Variants in ETNPPL observed in about 807,000 individuals in gnomAD.
ETNPPL encodes the protein alanine--glyoxylate aminotransferase 2-like 1.
A neutral mutation model predicts 55.5 loss-of-function variants in ETNPPL; 30 were observed. That is an observed-to-expected ratio of 0.54 (90% CI 0.40 to 0.73). The LOEUF (loss-of-function observed/expected upper bound fraction) is 0.73, where lower values mean the gene tolerates loss of function less well. Ranked by LOEUF, ETNPPL falls within the 30% of genes least tolerant of loss-of-function variation. The probability of loss-of-function intolerance (pLI) is 0.00; values close to 1 mark genes in which losing one functional copy is unlikely to be tolerated. For missense variants in ETNPPL, 528 were observed against 607.9 expected (o/e 0.87, Z 1.38); for synonymous variants, 202 against 207.2 (o/e 0.98, Z 0.21).
chr4:108,744,676 C>T (rs930851982), intron 11 of ETNPPL, among the ~76,000 whole-genome samples: 1 of 151,710 alleles, frequency 6.6e-6, no homozygotes, highest in Non-Finnish European at 1.5e-5. Context: ...TGGCTTTATC[C>T]TAACCCCAGA....
At chr4:108,743,764 TA>T in intron 12 of ETNPPL, 24 bp downstream of exon 12, 1 of 1,548,986 alleles carries the variant, frequency 6.5e-7, no homozygotes, top group Non-Finnish European at 8.9e-7. Flanking sequence ...ACTTTCCCCC[TA>T]AAAATAAAGT....
At chr4:108,746,252 T>C (rs556245486) in intron 11 of ETNPPL, 147 bp downstream of exon 11, 2 of 649,726 alleles carry the variant, frequency 3.1e-6, no homozygotes, top group East Asian at 6.5e-5. Context: ...TTTCTAGTCC[T>C]AAATGGAAAG....
At chr4:108,762,761 C>A (rs374591284) in intron 1 of ETNPPL, 82 bp downstream of exon 1, 2 of 1,502,454 alleles carry the variant, frequency 1.3e-6, no homozygotes, top group Non-Finnish European at 1.9e-6. Flanking sequence ...ATCGTTTGTT[C>A]CCTAGCCGGC....
chr4:108,756,950 T>C (rs1729236226), intron 3 of ETNPPL, among the ~76,000 whole-genome samples: 1 of 152,234 alleles, frequency 6.6e-6, no homozygotes, highest in South Asian at 2.1e-4. Context: ...CTGCCCACTT[T>C]ACCCTTCTAA....
chr4:108,747,839 A>G (rs1346695343), intron 9 of ETNPPL, 166 bp downstream of exon 9: 2 of 543,696 alleles, frequency 3.7e-6, no homozygotes, highest in East Asian at 3.4e-5. Context: ...AGTGATTCTC[A>G]TGCCTCAGCC....
chr4:108,761,779 T>G lies in ETNPPL; in HGVS notation c.56+1064A>C, dbSNP rs977515428. ...GATTATTTTGATCCCACTTAGCGGC[T>G]GAGAGAGATGGAACTAGTCTTCCAA... On this transcript the variant is annotated intron_variant, in intron 1 of 12. Coordinates refer to ENST00000296486, the MANE Select transcript of ETNPPL (RefSeq NM_031279.4). Among the ~76,000 whole-genome samples the G allele has an allele frequency of 2.6e-5, 4 of 152,212 alleles. No individual in the cohort carries two copies. The East Asian group carries it at 7.7e-4, about 29-fold the overall frequency.
rs1729409801 is a variant in ETNPPL, at chr4:108,759,668, T to C, written c.335+81A>G. 6 of 1,432,604 alleles carry C rather than the reference T, an allele frequency of 4.2e-6. No homozygotes were observed. The South Asian group carries it at 7.4e-5, about 18-fold the overall frequency. 88.7% of individuals were successfully genotyped at this position (1,432,604 alleles called of 1,614,324 possible). A position where few individuals can be genotyped will look rare whatever the true frequency, so the allele number is the denominator to read the frequency against. ...AAACCCTTTTGGACAAGCTCCACCATGAATCAAAAGGAAAGATTTGTGTGC... is the reference window on the plus strand; with the variant it reads ...AAACCCTTTTGGACAAGCTCCACCACGAATCAAAAGGAAAGATTTGTGTGC... On this transcript the variant is annotated intron_variant, in intron 3 of 12. Coordinates refer to ENST00000296486, the MANE Select transcript of ETNPPL (RefSeq NM_031279.4).
rs1425415749 is a variant in ETNPPL at position 108,742,432 on chromosome 4, A to G, written c.*52T>C. The G allele has an allele frequency of 1.1e-5, 17 of 1,597,032 alleles. No homozygotes were observed. The highest frequency in any genetic ancestry group is 1.5e-5 in the Non-Finnish European group (17 of 1,165,996). On this transcript the variant is annotated 3_prime_UTR_variant, in exon 13 of 13. Transcript: ENST00000296486. ...AGCTATTAACCGATGAGACACATCT[A>G]CTCATTCTCTGTAACTCTGGACATC...
At chr4:108,748,188 A>C (rs1728717308) in intron 8 of ETNPPL, 29 bp from the exon 9 acceptor site, 2 of 1,539,476 alleles carry the variant, frequency 1.3e-6, no homozygotes, top group South Asian at 2.5e-5. Context: ...CAAATGAGAA[A>C]ATATACCAGT....
At position 108,759,910 on chromosome 4, in the gene ETNPPL, T is replaced by TA. The variant is rs756755530; in HGVS notation, c.176-3dup. 6.2e-7 allele frequency: 1 copy of TA among 1,612,406 alleles called. No homozygotes were observed. Among genetic ancestry groups the TA allele is most frequent in the South Asian group, 1.1e-5 (1 of 90,760 alleles). On this transcript the variant is annotated splice_polypyrimidine_tract_variant and splice_region_variant and intron_variant, in intron 2 of 12. Coordinates refer to ENST00000296486, the MANE Select transcript of ETNPPL (RefSeq NM_031279.4). ...CCACTCCTGGGTGACAGTGTCCCAC[T>TA]AAAATTTATGAAACAAAAGCCCAAG...
rs756598793 is a variant in ETNPPL, at chr4:108,756,506, A to G, written c.336-14T>C. On this transcript the variant is annotated splice_polypyrimidine_tract_variant and intron_variant, in intron 3 of 12. Coordinates refer to ENST00000296486, the MANE Select transcript of ETNPPL (RefSeq NM_031279.4). ...TTGGCTTCGGATCTATTAAGATAACATAGAGAGAGAGGACACTGTGACAGT... is the reference window on the plus strand; with the variant it reads ...TTGGCTTCGGATCTATTAAGATAACGTAGAGAGAGAGGACACTGTGACAGT... 6.2e-7 allele frequency: 1 copy of G among 1,601,842 alleles called. No individual in the cohort carries two copies. The highest frequency in any genetic ancestry group is 1.7e-5 in the Admixed American group (1 of 60,006).
chr4:108,758,692 C>T (rs1013878625), intron 3 of ETNPPL, among the ~76,000 whole-genome samples: 1 of 152,220 alleles, frequency 6.6e-6, no homozygotes, highest in African/African-American at 2.4e-5. Flanking sequence ...CCCCAGGGTC[C>T]CCACGCTGAC....
At chr4:108,745,660 G>A (rs1158001939) in intron 11 of ETNPPL, among the ~76,000 whole-genome samples, 3 of 152,012 alleles carry the variant, frequency 2.0e-5, no homozygotes, top group Admixed American at 6.6e-5. Context: ...GCTGGACGCG[G>A]TGACTTACGT....
intron 1 of ETNPPL, 59 bp downstream of exon 1, chr4:108,762,784 C>T (rs753584081): frequency 6.3e-7 from 1 of 1,577,704 alleles, no homozygotes; most frequent in South Asian, 1.1e-5. Flanking sequence ...TCTCTCTCCA[C>T]CTTCTGCACT....
chr4:108,748,224 T>G, intron 8 of ETNPPL, 65 bp from the exon 9 acceptor site: 1 of 1,305,404 alleles, frequency 7.7e-7, no homozygotes, highest in Non-Finnish European at 1.0e-6. Context: ...CCCTCATCCA[T>G]GAGAAATTTG....
rs1728979842 is a variant in ETNPPL, at chr4:108,752,911, T to C, written c.602A>G (p.His201Arg). The C allele has an allele frequency of 6.3e-7, 1 of 1,596,830 alleles. No homozygotes were observed. Among genetic ancestry groups the C allele is most frequent in the African/African-American group, 1.3e-5 (1 of 74,596 alleles). The change falls in exon 6 of 13, where the codon CAT becomes CGT. Residue 201 changes from histidine to arginine, a missense_variant. Transcript: ENST00000296486. ...AATACAAACCTTCCTTCCACTGTTA[T>C]GAGCATCTTCAATGATTTTCTTCAC... is the stretch of plus-strand genomic sequence containing the variant. ...DEVKKIIEDAHNSGRKIAAFI... is the reference protein window; with the variant it reads ...DEVKKIIEDARNSGRKIAAFI...
At chr4:108,745,940 A>AAG (rs2125670702) in intron 11 of ETNPPL, among the ~76,000 whole-genome samples, 1 of 151,998 alleles carries the variant, frequency 6.6e-6, no homozygotes, top group South Asian at 2.1e-4. Flanking sequence ...CAAAAAAAAA[A>AAG]AAAAAAAAAA....
chr4:108,753,636 G>A (rs1560656028), intron 5 of ETNPPL, among the ~76,000 whole-genome samples: 1 of 152,158 alleles, frequency 6.6e-6, no homozygotes, highest in East Asian at 1.9e-4. Context: ...CAGCTGCTCG[G>A]GAGGCTGAGG....
chr4:108,748,172 A>AG lies in ETNPPL; in HGVS notation c.928-14_928-13insC. The AG allele has an allele frequency of 6.4e-7, 1 of 1,551,284 alleles. No individual in the cohort carries two copies. The highest frequency in any genetic ancestry group is 2.3e-5 in the East Asian group (1 of 42,786). ...GATTTCCTCCATACTGTAAAAAAAAAAAAGACAAATGAGAAAATATACCAG... is the reference window on the plus strand; with the variant it reads ...GATTTCCTCCATACTGTAAAAAAAAAGAAAGACAAATGAGAAAATATACCAG... On this transcript the variant is annotated splice_polypyrimidine_tract_variant and intron_variant, in intron 8 of 12. Coordinates refer to ENST00000296486, the MANE Select transcript of ETNPPL (RefSeq NM_031279.4).
Sources: allele counts gnomAD v4.1 joint callset (sites outside exome capture counted in the v4.1 genomes callset), GRCh38; gene constraint gnomAD v4.1.1; transcripts MANE v1.5; gene names NCBI Gene and HGNC (gene_info 2026-07-23, HGNC 2026-07-21).